TTC7B: variants seen among roughly 807,000 people sequenced by gnomAD.
The protein encoded by TTC7B is tetratricopeptide repeat domain 7B.
TTC7B carries 28 observed loss-of-function variants against 106.8 expected under a neutral mutation model. That is an observed-to-expected ratio of 0.26 (90% confidence interval 0.19 to 0.36). The LOEUF (loss-of-function observed/expected upper bound fraction) is 0.36, where lower values mean the gene tolerates loss of function less well. TTC7B is among the 10% of genes least tolerant of loss of function. The pLI is 1.00. For missense variants in TTC7B, 862 were observed against 1,076.4 expected, an observed-to-expected ratio of 0.80 and a Z score of 2.79; for synonymous variants, 405 against 430.6, an observed-to-expected ratio of 0.94 and a Z score of 0.74.
rs1407039629 is a variant in TTC7B, at chr14:90,663,114, G to A, written c.1153-4727C>T. 6.6e-6 allele frequency among the ~76,000 whole-genome samples: 1 copy of A among 152,164 alleles called. No individual in the cohort carries two copies. The highest frequency in any genetic ancestry group is 1.5e-5 in the Non-Finnish European group (1 of 68,036). The stretch of plus-strand genomic sequence containing the variant: ...CTATTTTAATTACTTTACAAGCATC[G>A]CCTCATCGGGTGACCCTAAGGACCC... On this transcript the variant is annotated intron_variant, in intron 9 of 19. Transcript: ENST00000328459. The surrounding 1 kb of genome is among the most constrained non-coding windows in gnomAD (Gnocchi z 4.5).
chr14:90,735,868 A>T (rs1341868604), intron 4 of TTC7B, among the ~76,000 whole-genome samples: 1 of 152,148 alleles, frequency 6.6e-6, no homozygotes, highest in East Asian at 1.9e-4. Flanking sequence ...AACTCAACAA[A>T]ATTATTCTAA....
intron 9 of TTC7B, among the ~76,000 whole-genome samples, chr14:90,671,071 G>A (rs1462228996): frequency 6.6e-6 from 1 of 152,164 alleles, no homozygotes; most frequent in Non-Finnish European, 1.5e-5. Flanking sequence ...GGATCCATTT[G>A]TGTCATGCCC....
chr14:90,794,209 TTC>T (rs1262589905), intron 1 of TTC7B, among the ~76,000 whole-genome samples: 1,149 of 25,756 alleles, frequency 0.045, 16 homozygotes, highest in Non-Finnish European at 0.12. Context: ...GGCTGGGTAT[TTC>T]TTTTTTTTTT....
At chr14:90,769,212 G>A (rs113200313) in intron 3 of TTC7B, among the ~76,000 whole-genome samples, 2 of 151,920 alleles carry the variant, frequency 1.3e-5, no homozygotes, top group Admixed American at 6.6e-5. Flanking sequence ...TAAATATTTC[G>A]CTACAAAAAA....
chr14:90,707,601 C>A (rs191921241), intron 5 of TTC7B, among the ~76,000 whole-genome samples: 2 of 152,164 alleles, frequency 1.3e-5, no homozygotes, highest in Non-Finnish European at 1.5e-5. Flanking sequence ...AGTCAACACA[C>A]AAATGATAAA....
chr14:90,768,561 C>T (rs1350962258), intron 3 of TTC7B, among the ~76,000 whole-genome samples: 2 of 152,174 alleles, frequency 1.3e-5, no homozygotes, highest in African/African-American at 4.8e-5. Flanking sequence ...TGAATGGGGA[C>T]ACAGAGCAAA....
intron 5 of TTC7B, among the ~76,000 whole-genome samples, chr14:90,707,557 A>C (rs1888259604): frequency 6.6e-6 from 1 of 152,246 alleles, no homozygotes; most frequent in Non-Finnish European, 1.5e-5. Flanking sequence ...ATGCAAAGGA[A>C]GACTGCTTGA....
At chr14:90,653,652 C>T (rs113196629) in intron 12 of TTC7B, among the ~76,000 whole-genome samples, 5,617 of 152,264 alleles carry the variant, frequency 0.037, 142 homozygotes, top group Non-Finnish European at 0.055. Context: ...TGCAAGAGGC[C>T]ATTACCTAAC....
chr14:90,584,780 C>T (rs1891647327), intron 18 of TTC7B, among the ~76,000 whole-genome samples: 1 of 152,092 alleles, frequency 6.6e-6, no homozygotes, highest in South Asian at 2.1e-4. Flanking sequence ...CCTGACCCTG[C>T]CTCCCTAAAG....
chr14:90,632,093 A>G (rs1235823468), intron 15 of TTC7B, among the ~76,000 whole-genome samples: 1 of 152,096 alleles, frequency 6.6e-6, no homozygotes, highest in Non-Finnish European at 1.5e-5. Context: ...CCTGTGTCCA[A>G]AGGCCTCCCT....
chr14:90,717,212 G>A (rs374143321), intron 5 of TTC7B, among the ~76,000 whole-genome samples: 9 of 151,990 alleles, frequency 5.9e-5, no homozygotes, highest in South Asian at 2.1e-4. Context: ...GGTGGCGGGC[G>A]CCTGTAGTTC....
At chr14:90,610,885 A>C in intron 16 of TTC7B, 46 bp from the exon 17 acceptor site, 1 of 1,409,106 alleles carries the variant, frequency 7.1e-7, no homozygotes, top group Non-Finnish European at 1.0e-6. Flanking sequence ...AGGTGGGAGG[A>C]GGGAAGGAAA....
At chr14:90,672,357 G>A (rs1273664025) in intron 9 of TTC7B, among the ~76,000 whole-genome samples, 3 of 152,012 alleles carry the variant, frequency 2.0e-5, no homozygotes, top group South Asian at 2.1e-4. Flanking sequence ...TGTCTAGATC[G>A]CATCTTCAAG....
At position 90,759,527 on chromosome 14, in the gene TTC7B, C is replaced by T. The variant is rs896549020; in HGVS notation, c.446-14605G>A. On this transcript the variant is annotated intron_variant, in intron 3 of 19. Transcript: ENST00000328459. This position sits in a 1 kb window ranked among gnomAD's most constrained non-coding sequence, Gnocchi z 4.1. ...CGGCCACCACCACACATTGCAGAGG[C>T]GAAAACTGCATTAAGGAGGCCCAGA... Among the ~76,000 whole-genome samples, 6 of 152,086 alleles carry T rather than the reference C, an allele frequency of 3.9e-5. No homozygotes were observed. Among genetic ancestry groups the T allele is most frequent in the African/African-American group, 1.4e-4 (6 of 41,402 alleles).
At chr14:90,585,746 C>T (rs1891685090) in intron 18 of TTC7B, 1 of 152,528 alleles carries the variant, frequency 6.6e-6, no homozygotes, top group Non-Finnish European at 1.5e-5. Flanking sequence ...CTCCCAATCA[C>T]ATCCCTCATT....
In TTC7B at chr14:90,538,081, C is replaced by T. The variant is rs918232342; in HGVS notation, c.*3287G>A. 1 of 152,190 alleles carries T rather than the reference C, an allele frequency of 6.6e-6. No homozygotes were observed. Among genetic ancestry groups the T allele is most frequent in the Non-Finnish European group, 1.5e-5 (1 of 68,064 alleles). The allele number at this position is 152,190 out of a possible 1,614,324, so 9.4% of individuals were successfully genotyped here. On this transcript the variant is annotated 3_prime_UTR_variant, in exon 20 of 20. Transcript: ENST00000328459. Reference sequence around the variant, plus strand: ...GCGGCATCTCCTGCATCTCACTGTCCAAAAAATGCCTCCACTGGGCAGACC... The same window carrying T: ...GCGGCATCTCCTGCATCTCACTGTCTAAAAAATGCCTCCACTGGGCAGACC...
rs1256779145 is a variant in TTC7B at position 90,578,764 on chromosome 14, G to A, written c.2108-456C>T. Among the ~76,000 whole-genome samples, 1 of 152,052 alleles carries A rather than the reference G, an allele frequency of 6.6e-6. No homozygotes were observed. Among genetic ancestry groups the A allele is most frequent in the Non-Finnish European group, 1.5e-5 (1 of 68,022 alleles). ...GCTCTGCCCTCTGACCCACTCTCCT[G>A]ATGCCAAGAAGTATGATGGGGCTGC... On this transcript the variant is annotated intron_variant, in intron 18 of 19. Transcript: ENST00000328459. This position sits in a 1 kb window ranked among gnomAD's most constrained non-coding sequence, Gnocchi z 4.7.
intron 4 of TTC7B, among the ~76,000 whole-genome samples, chr14:90,736,466 G>A (rs564951698): frequency 6.6e-6 from 1 of 152,160 alleles, no homozygotes; most frequent in East Asian, 1.9e-4. Flanking sequence ...CAGCTACTTA[G>A]GAGGCTAAGG....
In TTC7B at chr14:90,797,644, G is replaced by T. The variant is rs1418754306; in HGVS notation, c.122-11316C>A. 1.3e-5 allele frequency among the ~76,000 whole-genome samples: 2 copies of T among 151,908 alleles called. 1 individual carries two copies. Among genetic ancestry groups the T allele is most frequent in the Non-Finnish European group, 2.9e-5 (2 of 67,966 alleles). On this transcript the variant is annotated intron_variant, in intron 1 of 19. Transcript: ENST00000328459. ...TAAATTAGCATGAGTGTCTCCAGGG[G>T]GCAATGTAGCAATTTCTACAAAGCA...
Sources: allele counts gnomAD v4.1 joint callset (sites outside exome capture counted in the v4.1 genomes callset), GRCh38; gene constraint gnomAD v4.1.1; non-coding constraint Gnocchi (gnomAD v3.1); transcripts MANE v1.5; gene names NCBI Gene and HGNC (gene_info 2026-07-23, HGNC 2026-07-21).